MIS18A: variants seen among roughly 807,000 people sequenced by gnomAD.
MIS18A encodes MIS18 kinetochore protein A.
A neutral mutation model predicts 25.0 loss-of-function variants in MIS18A; 14 were observed. The ratio of observed to expected loss-of-function variants is 0.56; its 90% confidence interval spans 0.37 to 0.88. The LOEUF (loss-of-function observed/expected upper bound fraction) is 0.88. MIS18A is among the 40% of genes least tolerant of loss of function. The pLI, the probability that MIS18A is intolerant of heterozygous loss-of-function variation, is 0.00. For missense variants in MIS18A, 292 were observed against 290.8 expected (o/e 1.00, Z -0.03); for synonymous variants, 134 against 118.6 (o/e 1.13, Z -0.84).
chr21:32,180,446 C>T, the MIS18A span, among the ~76,000 whole-genome samples: 42 of 152,314 alleles, frequency 2.8e-4, no homozygotes, highest in Non-Finnish European at 5.0e-4. Flanking sequence ...CCCTTCCCCA[C>T]CAAACCTCCA....
chr21:32,264,968 A>T (rs1321673075), downstream of MIS18A, among the ~76,000 whole-genome samples: 3 of 152,230 alleles, frequency 2.0e-5, no homozygotes, highest in Non-Finnish European at 2.9e-5. Context: ...TTCTACAAAC[A>T]TCCAGTTACA....
At chr21:32,220,617 A>G in the MIS18A span, among the ~76,000 whole-genome samples, 1 of 152,132 alleles carries the variant, frequency 6.6e-6, no homozygotes, top group East Asian at 1.9e-4. Flanking sequence ...ACAAAACTAG[A>G]TGGAGAATGA....
At chr21:32,253,460 T>G in the MIS18A span, among the ~76,000 whole-genome samples, 3 of 148,396 alleles carry the variant, frequency 2.0e-5, no homozygotes, top group Non-Finnish European at 4.5e-5. Context: ...TAACATATTT[T>G]TGTTCTGACT....
the MIS18A span, among the ~76,000 whole-genome samples, chr21:32,202,845 G>A: frequency 0.017 from 2,649 of 152,264 alleles, 88 homozygotes; most frequent in African/African-American, 0.059. Flanking sequence ...TCCATCATAT[G>A]TATATACCAC....
At chr21:32,189,506 T>C in the MIS18A span, among the ~76,000 whole-genome samples, 36 of 152,286 alleles carry the variant, frequency 2.4e-4, 2 homozygotes, top group African/African-American at 8.4e-4. Flanking sequence ...CTCAAATTCG[T>C]GGGTTCAAGC....
chr21:32,195,011 A>T, the MIS18A span, among the ~76,000 whole-genome samples: 1 of 152,224 alleles, frequency 6.6e-6, no homozygotes, highest in East Asian at 1.9e-4. Flanking sequence ...TTCACATAAC[A>T]CAATTGCACT....
the MIS18A span, among the ~76,000 whole-genome samples, chr21:32,165,486 G>C: frequency 6.6e-6 from 1 of 151,368 alleles, no homozygotes; most frequent in African/African-American, 2.4e-5. Context: ...CCAGCAGAGG[G>C]CCCAAAGGAT....
chr21:32,200,472 T>C, the MIS18A span, among the ~76,000 whole-genome samples: 1 of 151,626 alleles, frequency 6.6e-6, no homozygotes, highest in African/African-American at 2.4e-5. Flanking sequence ...CTCACTCTGT[T>C]GCCCAGGCTG....
chr21:32,178,227 A>T, the MIS18A span, among the ~76,000 whole-genome samples: 1 of 151,682 alleles, frequency 6.6e-6, no homozygotes, highest in South Asian at 2.1e-4. Context: ...ATTTCCAGCA[A>T]TTTTTTTTTA....
At chr21:32,166,796 G>T in the MIS18A span, among the ~76,000 whole-genome samples, 2 of 152,138 alleles carry the variant, frequency 1.3e-5, no homozygotes, top group Admixed American at 6.5e-5. Flanking sequence ...ACCTCCCTGT[G>T]CTTGAACCTG....
At chr21:32,206,627 T>C in the MIS18A span, among the ~76,000 whole-genome samples, 3 of 152,068 alleles carry the variant, frequency 2.0e-5, no homozygotes, top group Non-Finnish European at 2.9e-5. Flanking sequence ...AAGACTGATT[T>C]AACAAAAAAT....
the MIS18A span, among the ~76,000 whole-genome samples, chr21:32,224,919 A>G: frequency 2.9e-5 from 4 of 136,008 alleles, no homozygotes; most frequent in Non-Finnish European, 6.3e-5. Context: ...TGGTACTGGT[A>G]CCAAAACAGA....
At chr21:32,218,646 G>A in the MIS18A span, among the ~76,000 whole-genome samples, 2 of 151,748 alleles carry the variant, frequency 1.3e-5, no homozygotes, top group African/African-American at 2.4e-5. Context: ...CAACAAATAC[G>A]AAAAAACTAA....
chr21:32,248,220 A>C, the MIS18A span, among the ~76,000 whole-genome samples: 1 of 152,160 alleles, frequency 6.6e-6, no homozygotes, highest in African/African-American at 2.4e-5. Context: ...AACCCAAAAG[A>C]CTTTAGCCGT....
At chr21:32,191,141 G>GA in the MIS18A span, among the ~76,000 whole-genome samples, 1 of 152,214 alleles carries the variant, frequency 6.6e-6, no homozygotes, top group Non-Finnish European at 1.5e-5. Context: ...TATAATAAGT[G>GA]CTCAACAAAT....
At chr21:32,190,871 C>T in the MIS18A span, among the ~76,000 whole-genome samples, 6 of 152,202 alleles carry the variant, frequency 3.9e-5, no homozygotes, top group African/African-American at 1.4e-4. Context: ...CTGGACACTT[C>T]GATGTATGTC....
the MIS18A span, among the ~76,000 whole-genome samples, chr21:32,201,922 C>A: frequency 6.6e-6 from 1 of 152,044 alleles, no homozygotes; most frequent in East Asian, 1.9e-4. Context: ...AAATAGAAAG[C>A]CGAGTATTAG....
the MIS18A span, among the ~76,000 whole-genome samples, chr21:32,249,956 G>C: frequency 6.6e-6 from 1 of 152,174 alleles, no homozygotes; most frequent in African/African-American, 2.4e-5. Context: ...CACTCTGTGA[G>C]GGAGGAATTC....
At chr21:32,167,785 C>G in the MIS18A span, among the ~76,000 whole-genome samples, 5 of 152,156 alleles carry the variant, frequency 3.3e-5, no homozygotes, top group Admixed American at 6.5e-5. Flanking sequence ...TACCTTCTCA[C>G]ATAATATTAA....
Sources: gnomAD v4.1 joint callset for allele counts (sites outside exome capture counted in the v4.1 genomes callset) on GRCh38, gnomAD v4.1.1 for gene constraint, MANE v1.5 for transcripts, NCBI Gene and HGNC (gene_info 2026-07-23, HGNC 2026-07-21) for gene names.